The following CNTLN variants were observed in gnomAD, a reference collection of about 807,000 sequenced individuals.
CNTLN encodes centlein, centrosomal protein.
A neutral mutation model predicts 180.0 loss-of-function variants in CNTLN; 212 were observed. That is an observed-to-expected ratio of 1.18 (90% CI 1.05 to 1.32). CNTLN has a LOEUF of 1.32. Ranked by LOEUF, CNTLN falls within the 40% of genes most tolerant of loss-of-function variation. The pLI is 0.00. For synonymous variants in CNTLN, 722 were observed against 563.1 expected (o/e 1.28, Z -3.99); for missense variants, 2,095 against 1,610.9 (o/e 1.30, Z -5.14).
intron 10 of CNTLN, among the ~76,000 whole-genome samples, chr9:17,338,337 G>GGTTTTTTTT (rs369684809): frequency 4.0e-5 from 4 of 100,436 alleles, no homozygotes; most frequent in Admixed American, 1.4e-4. Flanking sequence ...GCTAATTTTT[G>GGTTTTTTTT]TTTTTTTTTT....
chr9:17,380,943 A>G (rs907532016), intron 13 of CNTLN, among the ~76,000 whole-genome samples: 1 of 152,218 alleles, frequency 6.6e-6, no homozygotes, highest in Non-Finnish European at 1.5e-5. Flanking sequence ...AACAAGTGTA[A>G]ACATGAAGAG....
chr9:17,405,972 T>C (rs1476359934), intron 15 of CNTLN, among the ~76,000 whole-genome samples: 1 of 151,496 alleles, frequency 6.6e-6, no homozygotes, highest in Non-Finnish European at 1.5e-5. Context: ...ATGGGGTTTC[T>C]CCATGTTGGT....
chr9:17,442,044 T>C (rs545771249), intron 18 of CNTLN, among the ~76,000 whole-genome samples: 1 of 152,266 alleles, frequency 6.6e-6, no homozygotes, highest in South Asian at 2.1e-4. Context: ...AAGGAAACTT[T>C]GACAGCTGAA....
Position 17,388,808 on chromosome 9 carries a change from T to C in CNTLN, c.2079+555T>C, listed in dbSNP as rs962963838. 8.1e-4 allele frequency among the ~76,000 whole-genome samples: 101 copies of C among 123,942 alleles called. 2 individuals carry two copies. Among genetic ancestry groups the C allele is most frequent in the Non-Finnish European group, 2.8e-4 (16 of 57,876 alleles). The allele number at this position is 123,942 out of a possible 152,430, so 81.3% of individuals were successfully genotyped here. A position where few individuals can be genotyped will look rare whatever the true frequency, so the allele number is the denominator to read the frequency against. On this transcript the variant is annotated intron_variant, in intron 14 of 25. Coordinates refer to ENST00000380647, the MANE Select transcript of CNTLN (RefSeq NM_017738.4). ...TGTAAACCTTAGTCATATTATAACATGTCTATCATTAATAGTAAAATACTG... is the reference window on the plus strand; with the variant it reads ...TGTAAACCTTAGTCATATTATAACACGTCTATCATTAATAGTAAAATACTG...
chr9:17,377,449 G>C (rs1019528068), intron 13 of CNTLN, among the ~76,000 whole-genome samples: 1 of 152,162 alleles, frequency 6.6e-6, no homozygotes, highest in African/African-American at 2.4e-5. Context: ...GCTGAGACAG[G>C]ATAATCCCTT....
intron 12 of CNTLN, among the ~76,000 whole-genome samples, chr9:17,343,809 C>T (rs1414464492): frequency 1.3e-5 from 2 of 152,120 alleles, no homozygotes; most frequent in Admixed American, 6.6e-5. Context: ...CCCACCAAAG[C>T]CCATATGACT....
In CNTLN at chr9:17,357,621, C is replaced by CATATATATATAAATACTACAT. The variant is rs10668396; in HGVS notation, c.1887-8985_1887-8984insAATACTACATATATATATATA. Among the ~76,000 whole-genome samples, 116 of 146,064 alleles carry CATATATATATAAATACTACAT rather than the reference C, an allele frequency of 7.9e-4. 1 individual carries two copies. The highest frequency in any genetic ancestry group is 1.2e-3 in the Admixed American group (17 of 14,578). On this transcript the variant is annotated intron_variant, in intron 12 of 25. Transcript: ENST00000380647. ...ATACTACATATATATATAAATACTA[C>CATATATATATAAATACTACAT]ATATATATATAGTATTTTTAAATTT...
At chr9:17,484,879 G>C (rs1438381488) in intron 24 of CNTLN, among the ~76,000 whole-genome samples, 1 of 151,978 alleles carries the variant, frequency 6.6e-6, no homozygotes. Flanking sequence ...TTTTTAAAAA[G>C]TGCCAAATCT....
chr9:17,218,133 T>C (rs1382121681), intron 2 of CNTLN, among the ~76,000 whole-genome samples: 1 of 152,144 alleles, frequency 6.6e-6, no homozygotes, highest in Non-Finnish European at 1.5e-5. Flanking sequence ...AGCACAAGTT[T>C]TGGCTTTCAA....
At chr9:17,333,903 G>A (rs1820808986) in intron 10 of CNTLN, among the ~76,000 whole-genome samples, 1 of 152,134 alleles carries the variant, frequency 6.6e-6, no homozygotes, top group Non-Finnish European at 1.5e-5. Flanking sequence ...TGTCTAACAG[G>A]AGACTGTTAA....
chr9:17,200,310 T>C (rs1822434226), intron 2 of CNTLN, among the ~76,000 whole-genome samples: 1 of 152,204 alleles, frequency 6.6e-6, no homozygotes, highest in African/African-American at 2.4e-5. Context: ...AGGATTGTCT[T>C]GGCTATAAGC....
chr9:17,502,115 A>C (rs1833781646), intron 25 of CNTLN, among the ~76,000 whole-genome samples: 1 of 152,082 alleles, frequency 6.6e-6, no homozygotes, highest in Non-Finnish European at 1.5e-5. Context: ...AATTCTTGAG[A>C]TTTTCGGCTC....
intron 14 of CNTLN, among the ~76,000 whole-genome samples, chr9:17,393,846 T>G (rs1259917470): frequency 6.6e-6 from 1 of 152,172 alleles, no homozygotes; most frequent in African/African-American, 2.4e-5. Context: ...TGTATGCAGG[T>G]GTTGGTCTTT....
chr9:17,291,168 C>G (rs571278444), intron 6 of CNTLN, among the ~76,000 whole-genome samples: 1 of 152,262 alleles, frequency 6.6e-6, no homozygotes, highest in African/African-American at 2.4e-5. Context: ...TTCTGAGAGA[C>G]TGTTATGATT....
intron 5 of CNTLN, among the ~76,000 whole-genome samples, chr9:17,263,397 A>G (rs1750785254): frequency 6.6e-6 from 1 of 150,974 alleles, no homozygotes; most frequent in Non-Finnish European, 1.5e-5. Context: ...GCTGCATAGT[A>G]TTCCATGGTG....
chr9:17,483,963 T>TA (rs776688649), intron 23 of CNTLN, among the ~76,000 whole-genome samples: 11 of 152,296 alleles, frequency 7.2e-5, no homozygotes, highest in Admixed American at 6.5e-4. Flanking sequence ...ACCTGACTCT[T>TA]AGTGTTAGGT....
At chr9:17,358,435 A>G (rs996776914) in intron 12 of CNTLN, among the ~76,000 whole-genome samples, 2 of 152,132 alleles carry the variant, frequency 1.3e-5, no homozygotes, top group Non-Finnish European at 2.9e-5. Flanking sequence ...GATACTATAT[A>G]TTTTTGTAGA....
chr9:17,216,709 C>T (rs1247523919), intron 2 of CNTLN, among the ~76,000 whole-genome samples: 2 of 152,200 alleles, frequency 1.3e-5, no homozygotes, highest in Non-Finnish European at 2.9e-5. Context: ...TCTCTCACTA[C>T]TGGGACCACC....
chr9:17,230,522 C>A lies in CNTLN; in HGVS notation c.534+4235C>A, dbSNP rs111548085. 2.3e-3 allele frequency among the ~76,000 whole-genome samples: 346 copies of A among 151,758 alleles called. 1 individual carries two copies. The highest frequency in any genetic ancestry group is 8.0e-3 in the African/African-American group (330 of 41,358). ...TTGTTTGTTTCCCCCCTCCCCTTAC[C>A]CCCTTAGGAGAGACAGGAAGGCTAG... is the stretch of plus-strand genomic sequence containing the variant. On this transcript the variant is annotated intron_variant, in intron 3 of 25. Coordinates refer to ENST00000380647, the MANE Select transcript of CNTLN (RefSeq NM_017738.4).
Sources: allele counts gnomAD v4.1 joint callset (sites outside exome capture counted in the v4.1 genomes callset), GRCh38; gene constraint gnomAD v4.1.1; transcripts MANE v1.5; gene names NCBI Gene and HGNC (gene_info 2026-07-23, HGNC 2026-07-21).